The following CEP112 variants were observed in gnomAD, a reference collection of about 807,000 sequenced individuals.
The protein encoded by CEP112 is centrosomal protein 112.
CEP112 carries 127 observed loss-of-function variants against 153.0 expected under a neutral mutation model. The ratio of observed to expected loss-of-function variants is 0.83; its 90% CI spans 0.72 to 0.96. The LOEUF (loss-of-function observed/expected upper bound fraction) is 0.96. Among genes scored for constraint, CEP112 ranks in the 40% least tolerant of loss-of-function variants. The pLI is 0.00. For synonymous variants in CEP112, 358 were observed against 374.4 expected (o/e 0.96, Z 0.51); for missense variants, 1,089 against 1,101.2 (o/e 0.99, Z 0.16).
At chr17:65,913,929 A>G (rs2060378032) in intron 19 of CEP112, 27 of 950,288 alleles carry the variant, frequency 2.8e-5, no homozygotes, top group Non-Finnish European at 3.4e-5. Context: ...AATTATCCTG[A>G]GTTTTTAAAA....
chr17:65,662,456 G>C (rs2046434664), intron 24 of CEP112, among the ~76,000 whole-genome samples: 1 of 152,068 alleles, frequency 6.6e-6, no homozygotes, highest in African/African-American at 2.4e-5. Flanking sequence ...CTGTTGCCCA[G>C]ATCTTTTTTT....
intron 4 of CEP112, among the ~76,000 whole-genome samples, chr17:66,165,351 T>C (rs2071908341): frequency 6.6e-6 from 1 of 152,220 alleles, no homozygotes; most frequent in Non-Finnish European, 1.5e-5. Flanking sequence ...TGGTGGCGAC[T>C]GTATTGGACA....
intron 4 of CEP112, among the ~76,000 whole-genome samples, chr17:66,150,055 A>G (rs2071128989): frequency 6.9e-6 from 1 of 144,920 alleles, no homozygotes; most frequent in Non-Finnish European, 1.5e-5. Context: ...TATCATGCCC[A>G]GCTAATTTTT....
intron 8 of CEP112, among the ~76,000 whole-genome samples, chr17:66,092,476 C>A (rs770877913): frequency 6.6e-6 from 1 of 151,754 alleles, no homozygotes; most frequent in Non-Finnish European, 1.5e-5. Context: ...TACCAATCCT[C>A]CTCAAACTCT....
chr17:66,012,406 CTT>C (rs950757350), intron 16 of CEP112, among the ~76,000 whole-genome samples: 1 of 152,134 alleles, frequency 6.6e-6, no homozygotes, highest in African/African-American at 2.4e-5. Context: ...TTCAGAACCT[CTT>C]ATAAGGTAGG....
chr17:65,876,060 A>ATCTAGAGTCT (rs2058815482), intron 20 of CEP112, among the ~76,000 whole-genome samples: 1 of 152,116 alleles, frequency 6.6e-6, no homozygotes, highest in African/African-American at 2.4e-5. Context: ...CATGAATAGT[A>ATCTAGAGTCT]TCTAGAGTCT....
chr17:65,798,611 A>C (rs1568030226), intron 21 of CEP112, among the ~76,000 whole-genome samples: 1 of 152,222 alleles, frequency 6.6e-6, no homozygotes, highest in African/African-American at 2.4e-5. Context: ...CCTTGCTTGC[A>C]TTCTAAACCA....
intron 20 of CEP112, among the ~76,000 whole-genome samples, chr17:65,853,139 T>C (rs1341875475): frequency 1.3e-5 from 2 of 152,198 alleles, no homozygotes; most frequent in Non-Finnish European, 2.9e-5. Flanking sequence ...TATTCTCTCA[T>C]AGTTCTGGAG....
At chr17:65,884,904 C>T (rs1385333434) in intron 20 of CEP112, among the ~76,000 whole-genome samples, 1 of 151,842 alleles carries the variant, frequency 6.6e-6, no homozygotes, top group African/African-American at 2.4e-5. Flanking sequence ...TTAGTAGAGA[C>T]AGGGTTTCTC....
chr17:65,660,497 TC>T (rs2046332544), intron 24 of CEP112, among the ~76,000 whole-genome samples: 2 of 123,994 alleles, frequency 1.6e-5, no homozygotes, highest in Non-Finnish European at 1.6e-5. Context: ...CTTCCTTCCT[TC>T]CTTCCTTCCT....
In CEP112 at chr17:66,029,165, A is replaced by G. The variant is rs966314181; in HGVS notation, c.1461T>C (p.Asp487=). The G allele has an allele frequency of 1.2e-6, 2 of 1,608,942 alleles. No homozygotes were observed. The highest frequency in any genetic ancestry group is 1.3e-5 in the African/African-American group (1 of 74,910). Residue 487 remains aspartate, a synonymous_variant, in exon 14 of 27, where the codon GAT becomes GAC. Transcript: ENST00000535342. The part of the protein sequence containing the change: ...MKLLQTKYDA[D]INLLKQEHAL... ...CATGTTCTTGTTTTAGAAGGTTTAT[A>G]TCAGCATCATATTTGGTTTGTAACA...
At chr17:65,675,713 C>G (rs994235635) in intron 24 of CEP112, among the ~76,000 whole-genome samples, 4 of 151,484 alleles carry the variant, frequency 2.6e-5, no homozygotes, top group Non-Finnish European at 5.9e-5. Context: ...CAAAATCCAT[C>G]TACAGGTTAA....
intron 24 of CEP112, among the ~76,000 whole-genome samples, chr17:65,654,181 G>A (rs1256098914): frequency 1.3e-5 from 2 of 152,058 alleles, no homozygotes; most frequent in Non-Finnish European, 2.9e-5. Context: ...CATTCTTATT[G>A]GGGTTAAAGT....
intron 18 of CEP112, among the ~76,000 whole-genome samples, chr17:65,930,547 C>T (rs2061083932): frequency 6.6e-6 from 1 of 152,188 alleles, no homozygotes; most frequent in African/African-American, 2.4e-5. Flanking sequence ...ATTAAGTCAT[C>T]AGTGTAAAAT....
At chr17:66,000,345 T>C (rs1427136466) in intron 17 of CEP112, among the ~76,000 whole-genome samples, 1 of 36,082 alleles carries the variant, frequency 2.8e-5, no homozygotes, top group Admixed American at 1.7e-4. Flanking sequence ...GCTTTTTTGC[T>C]TTTTTTTTTA....
At chr17:65,771,140 C>T (rs2053330466) in intron 21 of CEP112, among the ~76,000 whole-genome samples, 1 of 151,818 alleles carries the variant, frequency 6.6e-6, no homozygotes. Context: ...ACGATAAATG[C>T]TTAAAAATCT....
chr17:66,133,344 T>C (rs950398121), intron 4 of CEP112, among the ~76,000 whole-genome samples: 4 of 152,194 alleles, frequency 2.6e-5, no homozygotes, highest in Non-Finnish European at 5.9e-5. Context: ...GTTGGATTCA[T>C]GTTCCACATC....
chr17:66,091,192 G>C (rs1376601245), intron 8 of CEP112, among the ~76,000 whole-genome samples: 1 of 152,058 alleles, frequency 6.6e-6, no homozygotes, highest in Non-Finnish European at 1.5e-5. Context: ...AAACCTAAAA[G>C]AGATATACAG....
intron 22 of CEP112, among the ~76,000 whole-genome samples, chr17:65,746,119 T>C (rs953724058): frequency 7.7e-6 from 1 of 129,186 alleles, no homozygotes; most frequent in East Asian, 2.5e-4. Context: ...GAGCCAAGAT[T>C]GCGCCATTTC....
Sources: allele counts gnomAD v4.1 joint callset (sites outside exome capture counted in the v4.1 genomes callset), GRCh38; gene constraint gnomAD v4.1.1; transcripts MANE v1.5; gene names NCBI Gene and HGNC (gene_info 2026-07-23, HGNC 2026-07-21).